The following PTPRT variants were observed in gnomAD, a reference collection of about 807,000 sequenced individuals.
PTPRT encodes the protein receptor-type tyrosine-protein phosphatase T.
Under a neutral mutation model 176.8 loss-of-function variants are expected in PTPRT, and 56 were observed. That is an observed-to-expected ratio of 0.32 (90% CI 0.26 to 0.40). The LOEUF (loss-of-function observed/expected upper bound fraction) is 0.40, where lower values mean the gene tolerates loss of function less well. PTPRT is among the 10% of genes least tolerant of loss of function. The pLI, the probability that PTPRT is intolerant of heterozygous loss-of-function variation, is 1.00. For missense variants in PTPRT, 1,540 were observed against 1,908.2 expected (o/e 0.81, Z 3.60); for synonymous variants, 783 against 739.0 (o/e 1.06, Z -0.96).
chr20:42,726,067 T>TTATTAG (rs1279802790), intron 6 of PTPRT, among the ~76,000 whole-genome samples: 1 of 120,068 alleles, frequency 8.3e-6, no homozygotes, highest in Admixed American at 8.1e-5. Flanking sequence ...TTTATTATTA[T>TTATTAG]TATTATTATT....
At chr20:42,638,150 T>C (rs1265241727) in intron 7 of PTPRT, among the ~76,000 whole-genome samples, 1 of 152,152 alleles carries the variant, frequency 6.6e-6, no homozygotes, top group African/African-American at 2.4e-5. Context: ...TATCCATAGA[T>C]AAACACATTC....
intron 7 of PTPRT, among the ~76,000 whole-genome samples, chr20:42,608,968 A>G (rs1385938944): frequency 6.6e-6 from 1 of 152,186 alleles, no homozygotes; most frequent in Admixed American, 6.5e-5. Flanking sequence ...TAAAGCCATC[A>G]CAGGGAAGGA....
chr20:43,024,175 G>A (rs948112108), intron 1 of PTPRT, among the ~76,000 whole-genome samples: 2 of 152,134 alleles, frequency 1.3e-5, no homozygotes, highest in African/African-American at 2.4e-5. Context: ...CCTCTCTGAG[G>A]GTGGCTTCCT....
chr20:42,511,611 T>C (rs1316070962), intron 7 of PTPRT, among the ~76,000 whole-genome samples: 1 of 152,140 alleles, frequency 6.6e-6, no homozygotes, highest in African/African-American at 2.4e-5. Context: ...TGTGGTTCCT[T>C]AACTAGGAGC....
At chr20:42,049,685 C>T in the PTPRT span, among the ~76,000 whole-genome samples, 4 of 152,172 alleles carry the variant, frequency 2.6e-5, no homozygotes, top group African/African-American at 7.2e-5. Context: ...ATGCAGTGAG[C>T]TTGTTGTGGG....
In PTPRT at chr20:42,076,476, A is replaced by G. The variant is rs187496458; in HGVS notation, c.*4403T>C. ...AATCCTCATCATTCTAGTGTGAGTT[A>G]ATGGGTTCCTTCCAGCACCCAACTG... On this transcript the variant is annotated 3_prime_UTR_variant, in exon 31 of 31. Coordinates refer to ENST00000373187, the MANE Select transcript of PTPRT (RefSeq NM_007050.6). 246 of 208,054 alleles carry G rather than the reference A, an allele frequency of 1.2e-3. No homozygotes were observed. The highest frequency in any genetic ancestry group is 2.6e-3 in the Admixed American group (43 of 16,838). The allele number at this position is 208,054 out of a possible 1,614,324, so 12.9% of individuals were successfully genotyped here. A position where few individuals can be genotyped will look rare whatever the true frequency, so the allele number is the denominator to read the frequency against.
At chr20:42,215,921 T>C (rs897694185) in intron 15 of PTPRT, among the ~76,000 whole-genome samples, 1 of 152,144 alleles carries the variant, frequency 6.6e-6, no homozygotes, top group Non-Finnish European at 1.5e-5. Context: ...CTGAACTCTG[T>C]CTCCTGAAGG....
chr20:42,579,658 A>T (rs1601312224), intron 7 of PTPRT, among the ~76,000 whole-genome samples: 1 of 152,332 alleles, frequency 6.6e-6, no homozygotes, highest in East Asian at 1.9e-4. Flanking sequence ...TCTGATGGCC[A>T]GTGATGATGA....
intron 1 of PTPRT, among the ~76,000 whole-genome samples, chr20:43,144,025 C>A (rs1433798060): frequency 3.9e-5 from 6 of 152,210 alleles, no homozygotes; most frequent in Admixed American, 6.5e-5. Context: ...CCATCCACAG[C>A]TACATAGAGC....
intron 1 of PTPRT, among the ~76,000 whole-genome samples, chr20:43,015,753 C>T (rs1267555939): frequency 6.6e-6 from 1 of 152,066 alleles, no homozygotes; most frequent in East Asian, 1.9e-4. Flanking sequence ...GTCACAGCAC[C>T]CTTCCAGAGA....
intron 1 of PTPRT, among the ~76,000 whole-genome samples, chr20:43,127,339 C>T (rs1347700085): frequency 6.6e-6 from 1 of 150,790 alleles, no homozygotes; most frequent in Non-Finnish European, 1.5e-5. Flanking sequence ...AGGAGAATGG[C>T]GTGAACCTGG....
At chr20:42,717,709 T>A (rs2076246095) in intron 6 of PTPRT, among the ~76,000 whole-genome samples, 1 of 151,932 alleles carries the variant, frequency 6.6e-6, no homozygotes, top group Non-Finnish European at 1.5e-5. Context: ...ATTAATTAAG[T>A]GAAAAGGCAA....
chr20:42,372,475 C>A (rs376949050), intron 9 of PTPRT, among the ~76,000 whole-genome samples: 33 of 151,930 alleles, frequency 2.2e-4, no homozygotes, highest in African/African-American at 8.0e-4. Flanking sequence ...AGTAGAGATG[C>A]AGTTTCACCA....
intron 7 of PTPRT, among the ~76,000 whole-genome samples, chr20:42,645,137 A>T (rs2074860195): frequency 6.6e-6 from 1 of 152,140 alleles, no homozygotes; most frequent in Admixed American, 6.5e-5. Context: ...ATGTTTGGAG[A>T]ACTACTAGTA....
intron 6 of PTPRT, among the ~76,000 whole-genome samples, chr20:42,699,806 C>T (rs2075946614): frequency 6.6e-6 from 1 of 152,142 alleles, no homozygotes; most frequent in African/African-American, 2.4e-5. Flanking sequence ...CAAAGGAATT[C>T]TGAATCGACA....
chr20:42,528,864 C>T (rs1026868988), intron 7 of PTPRT, among the ~76,000 whole-genome samples: 15 of 152,072 alleles, frequency 9.9e-5, no homozygotes, highest in Non-Finnish European at 1.8e-4. Context: ...TGGATTTTTC[C>T]GGGATAGTTT....
At chr20:42,776,247 AT>A (rs141671220) in intron 4 of PTPRT, among the ~76,000 whole-genome samples, 2,657 of 152,226 alleles carry the variant, frequency 0.017, 75 homozygotes, top group African/African-American at 0.059. Context: ...CCTGCTCATA[AT>A]TTGTCATGGT....
intron 1 of PTPRT, among the ~76,000 whole-genome samples, chr20:43,081,354 A>G (rs2011436902): frequency 6.6e-6 from 1 of 152,046 alleles, no homozygotes; most frequent in South Asian, 2.1e-4. Context: ...GGAATTTCAT[A>G]TTTTTTCTAC....
chr20:42,381,290 T>C (rs2058696246), intron 9 of PTPRT, among the ~76,000 whole-genome samples: 1 of 152,146 alleles, frequency 6.6e-6, no homozygotes, highest in East Asian at 1.9e-4. Context: ...AGATGACTTG[T>C]ATTGGACAAC....
Sources: gnomAD v4.1 joint callset for allele counts (sites outside exome capture counted in the v4.1 genomes callset) on GRCh38, gnomAD v4.1.1 for gene constraint, MANE v1.5 for transcripts, NCBI Gene and HGNC (gene_info 2026-07-23, HGNC 2026-07-21) for gene names.